The following HPS5 variants were observed in gnomAD, a reference collection of about 807,000 sequenced individuals.
HPS5 encodes HPS5 biogenesis of lysosomal organelles complex 2 subunit 2, also known as BLOC-2 complex member HPS5.
Under a neutral mutation model 128.0 loss-of-function variants are expected in HPS5, and 83 were observed. The observed-to-expected ratio is 0.65, with a 90% confidence interval of 0.54 to 0.78. HPS5 has a LOEUF of 0.78. Ranked by LOEUF, HPS5 falls within the 30% of genes least tolerant of loss-of-function variation. The probability of loss-of-function intolerance (pLI) is 0.00; values close to 1 mark genes in which losing one functional copy is unlikely to be tolerated. For synonymous variants in HPS5, 475 were observed against 470.2 expected (o/e 1.01, Z -0.13); for missense variants, 1,281 against 1,326.2 (o/e 0.97, Z 0.53).
intron 8 of HPS5, among the ~76,000 whole-genome samples, chr11:18,302,360 C>T (rs1215158860): frequency 6.6e-6 from 1 of 152,116 alleles, no homozygotes; most frequent in Non-Finnish European, 1.5e-5. Context: ...TTAATCTAGC[C>T]ACCTCTCAAG....
At chr11:18,294,878 A>T (rs978517651) in intron 14 of HPS5, 142 bp downstream of exon 14, 17 of 792,298 alleles carry the variant, frequency 2.1e-5, no homozygotes, top group Non-Finnish European at 3.3e-5. Flanking sequence ...AACTTTACAA[A>T]TTTGTGTTGG....
intron 12 of HPS5, 116 bp downstream of exon 12, chr11:18,296,682 A>T: frequency 1.1e-6 from 1 of 940,454 alleles, no homozygotes; most frequent in East Asian, 2.4e-5. Flanking sequence ...TTCTATCAAC[A>T]TGTTAAAAAT....
At chr11:18,287,400 C>A in intron 18 of HPS5, 135 bp downstream of exon 18, 1 of 971,332 alleles carries the variant, frequency 1.0e-6, no homozygotes. Flanking sequence ...ACAAGGCCTC[C>A]CAAATCCTCC....
intron 20 of HPS5, among the ~76,000 whole-genome samples, chr11:18,284,120 A>G (rs1250940316): frequency 6.6e-6 from 1 of 152,026 alleles, no homozygotes; most frequent in Non-Finnish European, 1.5e-5. Flanking sequence ...GTTCAGTAGA[A>G]TATCTCCACT....
In HPS5 at chr11:18,320,110, A is replaced by C. The variant is rs528084296; in HGVS notation, c.-50+1836T>G. Among the ~76,000 whole-genome samples the C allele has an allele frequency of 2.6e-5, 4 of 152,324 alleles. No individual in the cohort carries two copies. The East Asian group carries it at 7.7e-4, about 29-fold the overall frequency. On this transcript the variant is annotated intron_variant, in intron 1 of 22. Coordinates refer to ENST00000349215, the MANE Select transcript of HPS5 (RefSeq NM_181507.2). ...CTAGTAAGTTCTACTGAAAAGAAAA[A>C]AAGAATTTAACAGAAATGAGAATGG...
At chr11:18,313,837 C>A (rs1474685580) in intron 2 of HPS5, among the ~76,000 whole-genome samples, 1 of 150,708 alleles carries the variant, frequency 6.6e-6, no homozygotes, top group Non-Finnish European at 1.5e-5. Flanking sequence ...TCACTTGAAC[C>A]CAGGAAGTGG....
intron 7 of HPS5, among the ~76,000 whole-genome samples, 185 bp downstream of exon 7, chr11:18,305,950 T>G (rs1343248088): frequency 6.6e-6 from 1 of 152,152 alleles, no homozygotes; most frequent in Non-Finnish European, 1.5e-5. Flanking sequence ...GTCAGGATGG[T>G]CTCGATCTCC....
chr11:18,317,800 G>T lies in HPS5; in HGVS notation c.59C>A (p.Ser20Tyr), dbSNP rs757648920. 1 of 1,613,862 alleles carries T rather than the reference G, an allele frequency of 6.2e-7. No homozygotes were observed. The highest frequency in any genetic ancestry group is 1.1e-5 in the South Asian group (1 of 90,998). Reference sequence around the variant, plus strand: ...CAGGGCTGAGAGTAATGGATCCAGAGATTCAAACTCTGCAAGAACATGGCT... The same window carrying T: ...CAGGGCTGAGAGTAATGGATCCAGATATTCAAACTCTGCAAGAACATGGCT... ...SYSHVLAEFE[S>Y]LDPLLSALRL... The change falls in exon 2 of 23, where the codon TCT becomes TAT. Residue 20 changes from serine to tyrosine, a missense_variant. Ser to Tyr is a moderately radical substitution (Grantham distance 144). Transcript: ENST00000349215.
chr11:18,291,251 TAATCC>T (rs1334981035), intron 16 of HPS5, among the ~76,000 whole-genome samples, 186 bp downstream of exon 16: 1 of 152,100 alleles, frequency 6.6e-6, no homozygotes, highest in Non-Finnish European at 1.5e-5. Flanking sequence ...TAATTTCTTA[TAATCC>T]AGTTGTGAAT....
At chr11:18,299,140 A>T (rs1324632023) in intron 9 of HPS5, among the ~76,000 whole-genome samples, 170 bp from the exon 10 acceptor site, 2 of 152,224 alleles carry the variant, frequency 1.3e-5, no homozygotes, top group East Asian at 3.8e-4. Context: ...TATTTTAGAA[A>T]CTATTCTAAA....
Position 18,292,934 on chromosome 11 carries a change from C to T in HPS5, c.1827G>A (p.Arg609=). The T allele has an allele frequency of 1.2e-6, 2 of 1,614,132 alleles. No individual in the cohort carries two copies. Among genetic ancestry groups the T allele is most frequent in the South Asian group, 1.1e-5 (1 of 91,078 alleles). Residue 609 remains arginine, a synonymous_variant, in exon 15 of 23, where the codon AGG becomes AGA. Coordinates refer to ENST00000349215, the MANE Select transcript of HPS5 (RefSeq NM_181507.2). The stretch of plus-strand genomic sequence containing the variant: ...CTGTTGCTACTTTAAGCTCCTGGAA[C>T]CTGTCTTCTTCTGGAGGTGGACTAG... ...EVTSPPPEED[R]FQELKVATAE... is the part of the protein sequence containing the mutation.
intron 21 of HPS5, among the ~76,000 whole-genome samples, chr11:18,282,866 G>C (rs1859184562): frequency 6.6e-6 from 1 of 152,194 alleles, no homozygotes; most frequent in South Asian, 2.1e-4. Context: ...CAAGCTTAGA[G>C]GACATATGCA....
chr11:18,280,594 C>T (rs969792013), intron 22 of HPS5: 1 of 700,400 alleles, frequency 1.4e-6, no homozygotes, highest in African/African-American at 1.8e-5. Context: ...TACTCATATT[C>T]ATAGCAGCGT....
At chr11:18,303,551 T>C (rs868178608) in intron 8 of HPS5, among the ~76,000 whole-genome samples, 4 of 152,184 alleles carry the variant, frequency 2.6e-5, no homozygotes, top group Non-Finnish European at 4.4e-5. Context: ...AGAATAACTC[T>C]ACCAGGAGAG....
chr11:18,296,603 A>G (rs1224621321), intron 12 of HPS5, 195 bp downstream of exon 12: 4 of 698,590 alleles, frequency 5.7e-6, no homozygotes, highest in East Asian at 5.0e-5. Context: ...TCCAAACGTG[A>G]GGGGAAAAAA....
rs773210514 is a variant in HPS5, at chr11:18,298,970, T to C, written c.986A>G (p.Asp329Gly). ...VQVLLWSEVK[D>G]IQDVAVCRNE... is the part of the protein sequence containing the mutation. Reference sequence around the variant, plus strand: ...CCTACAGACAGCCACATCCTGAATATCTACGAAAACCACAGGTGTGAACAT... The same window carrying C: ...CCTACAGACAGCCACATCCTGAATACCTACGAAAACCACAGGTGTGAACAT... The change falls in exon 10 of 23, where the codon GAT becomes GGT. Residue 329 changes from aspartate (D) to glycine (G), a missense_variant and splice_region_variant. Asp to Gly is a moderately conservative substitution (Grantham distance 94, BLOSUM62 -1). Coordinates refer to ENST00000349215, the MANE Select transcript of HPS5 (RefSeq NM_181507.2). The C allele has an allele frequency of 7.4e-6, 12 of 1,614,020 alleles. No homozygotes were observed. In the East Asian group the frequency reaches 8.9e-5, roughly 12 times the overall value.
At chr11:18,298,740 A>T in intron 10 of HPS5, 52 bp downstream of exon 10, 1 of 1,562,308 alleles carries the variant, frequency 6.4e-7, no homozygotes, top group South Asian at 1.1e-5. Context: ...CTTGCAAGGT[A>T]GGAGAGTTTC....
chr11:18,302,675 A>G (rs1203569086), intron 8 of HPS5, among the ~76,000 whole-genome samples: 2 of 151,934 alleles, frequency 1.3e-5, no homozygotes, highest in African/African-American at 2.4e-5. Flanking sequence ...GCCCTCATGT[A>G]AGTGTTAAAC....
chr11:18,284,030 C>G (rs1859372238), intron 20 of HPS5, 129 bp from the exon 21 acceptor site: 2 of 674,940 alleles, frequency 3.0e-6, no homozygotes, highest in Non-Finnish European at 5.2e-6. Context: ...TAAATAACAT[C>G]TGAAAGTCAG....
Sources: allele counts gnomAD v4.1 joint callset (sites outside exome capture counted in the v4.1 genomes callset), GRCh38; gene constraint gnomAD v4.1.1; transcripts MANE v1.5; gene names NCBI Gene and HGNC (gene_info 2026-07-23, HGNC 2026-07-21).